The following GRHL2 variants were observed in gnomAD, a reference collection of about 807,000 sequenced individuals.
GRHL2 encodes grainyhead-like protein 2 homolog.
In GRHL2, 21 loss-of-function variants were observed where a neutral mutation model predicts 83.8. The observed-to-expected ratio is 0.25, with a 90% CI of 0.18 to 0.36. GRHL2 has a LOEUF of 0.36. Ranked by LOEUF, GRHL2 falls within the 10% of genes least tolerant of loss-of-function variation. The pLI, the probability that GRHL2 is intolerant of heterozygous loss-of-function variation, is 1.00. For synonymous variants in GRHL2, 280 were observed against 278.9 expected, an observed-to-expected ratio of 1.00 and a Z score of -0.04; for missense variants, 623 against 781.8, an observed-to-expected ratio of 0.80 and a Z score of 2.42.
intron 1 of GRHL2, 44 bp from the exon 2 acceptor site, chr8:101,543,197 T>A: frequency 6.8e-7 from 1 of 1,467,248 alleles, no homozygotes. Context: ...GTAAAAAATT[T>A]GCTCTCTCTG....
At chr8:101,523,477 GTT>G (rs11293156) in intron 1 of GRHL2, among the ~76,000 whole-genome samples, 243 of 145,544 alleles carry the variant, frequency 1.7e-3, no homozygotes, top group Middle Eastern at 0.01. Flanking sequence ...TCCACTGAAA[GTT>G]TTTTTTTTTT....
intron 14 of GRHL2, among the ~76,000 whole-genome samples, chr8:101,654,393 A>G (rs1813740538): frequency 6.6e-6 from 1 of 152,222 alleles, no homozygotes; most frequent in African/African-American, 2.4e-5. Flanking sequence ...ATCTTAGCTG[A>G]GCAGATGATG....
intron 1 of GRHL2, 52 bp from the exon 2 acceptor site, chr8:101,543,188 TA>T: frequency 7.5e-7 from 1 of 1,336,378 alleles, no homozygotes; most frequent in Non-Finnish European, 1.1e-6. Flanking sequence ...TTATTAGGGG[TA>T]AAAAATTTGC....
intron 8 of GRHL2, among the ~76,000 whole-genome samples, chr8:101,608,236 C>T (rs892195056): frequency 6.6e-6 from 1 of 152,254 alleles, no homozygotes; most frequent in Non-Finnish European, 1.5e-5. Context: ...TGAGGTTGCA[C>T]AGCTGGCGCC....
intron 4 of GRHL2, among the ~76,000 whole-genome samples, chr8:101,563,489 C>T (rs112070211): frequency 2.2e-3 from 336 of 152,232 alleles, no homozygotes; most frequent in Non-Finnish European, 3.6e-3. Flanking sequence ...CCCTGCCACT[C>T]CTGGCACCAG....
chr8:101,618,568 C>A (rs1014303407), intron 8 of GRHL2, among the ~76,000 whole-genome samples: 4 of 151,820 alleles, frequency 2.6e-5, no homozygotes, highest in Non-Finnish European at 5.9e-5. Context: ...AATTAAGTGA[C>A]TTGTGTAAGG....
rs1812747212 is a variant in GRHL2 at position 101,611,415 on chromosome 8, T to C, written c.1099-8124T>C. 2.7e-5 allele frequency among the ~76,000 whole-genome samples: 4 copies of C among 150,822 alleles called. No individual in the cohort carries two copies. In the South Asian group the frequency reaches 8.3e-4, roughly 31 times the overall value. On this transcript the variant is annotated intron_variant, in intron 8 of 15. Coordinates refer to ENST00000646743, the MANE Select transcript of GRHL2 (RefSeq NM_024915.4). ...CACAGCCACTCCTCTCTGGAGCCTC[T>C]TACATACCTCATCTCTTGTCATGTG...
chr8:101,617,057 AGCTAAAATC>A (rs1349053534), intron 8 of GRHL2, among the ~76,000 whole-genome samples: 2 of 152,210 alleles, frequency 1.3e-5, no homozygotes, highest in Non-Finnish European at 2.9e-5. Context: ...TGGTAAAAGC[AGCTAAAATC>A]TACTCATTTA....
rs150604918 is a variant in GRHL2, at chr8:101,602,720, C to A, written c.1098+3569C>A. ...GCTCTTTCTTTATTGCTTTCTCTAGCATTCTGCATTCTGGAACTTTCCCTA... is the reference window on the plus strand; with the variant it reads ...GCTCTTTCTTTATTGCTTTCTCTAGAATTCTGCATTCTGGAACTTTCCCTA... On this transcript the variant is annotated intron_variant, in intron 8 of 15. Coordinates refer to ENST00000646743, the MANE Select transcript of GRHL2 (RefSeq NM_024915.4). Among the ~76,000 whole-genome samples, 872 of 152,282 alleles carry A rather than the reference C, an allele frequency of 5.7e-3. 7 individuals carry two copies. Among genetic ancestry groups the A allele is most frequent in the African/African-American group, 0.02 (833 of 41,546 alleles).
intron 1 of GRHL2, among the ~76,000 whole-genome samples, chr8:101,526,935 CTTGT>C (rs1233492293): frequency 1.3e-5 from 2 of 152,054 alleles, no homozygotes; most frequent in African/African-American, 4.8e-5. Flanking sequence ...CACGTATTTG[CTTGT>C]TTGTTTGCTT....
At chr8:101,578,145 A>G (rs920656525) in intron 7 of GRHL2, among the ~76,000 whole-genome samples, 3 of 152,196 alleles carry the variant, frequency 2.0e-5, no homozygotes, top group Non-Finnish European at 2.9e-5. Flanking sequence ...CTCATGCCCA[A>G]TAATTCACTG....
intron 4 of GRHL2, among the ~76,000 whole-genome samples, chr8:101,568,167 C>A (rs1811752929): frequency 6.6e-6 from 1 of 152,176 alleles, no homozygotes; most frequent in Admixed American, 6.5e-5. Context: ...GGCTAGTTGA[C>A]TGAGGAATCA....
At chr8:101,623,146 C>T (rs1812998010) in intron 9 of GRHL2, among the ~76,000 whole-genome samples, 1 of 152,236 alleles carries the variant, frequency 6.6e-6, no homozygotes, top group African/African-American at 2.4e-5. Context: ...AAAGAAAACG[C>T]ATTAACAAGA....
At chr8:101,538,429 C>T (rs1008244309) in intron 1 of GRHL2, among the ~76,000 whole-genome samples, 49 of 151,534 alleles carry the variant, frequency 3.2e-4, no homozygotes, top group African/African-American at 9.5e-4. Context: ...TTAAAGAAAA[C>T]GAACAAGAAA....
chr8:101,602,143 A>T (rs1812529029), intron 8 of GRHL2, among the ~76,000 whole-genome samples: 1 of 152,228 alleles, frequency 6.6e-6, no homozygotes, highest in African/African-American at 2.4e-5. Context: ...AGTTAAATCT[A>T]CTTCATTAGA....
At chr8:101,515,382 A>G (rs1810552570) in intron 1 of GRHL2, among the ~76,000 whole-genome samples, 1 of 152,122 alleles carries the variant, frequency 6.6e-6, no homozygotes, top group Non-Finnish European at 1.5e-5. Flanking sequence ...ATTGTTGACA[A>G]GTTCAGGAAC....
intron 8 of GRHL2, among the ~76,000 whole-genome samples, chr8:101,614,040 A>G (rs1267210837): frequency 6.6e-6 from 1 of 151,068 alleles, no homozygotes; most frequent in Non-Finnish European, 1.5e-5. Flanking sequence ...TTTAATGGAA[A>G]GCTCTCAGAA....
chr8:101,677,350 T>C, the GRHL2 span, among the ~76,000 whole-genome samples: 2 of 151,942 alleles, frequency 1.3e-5, 1 homozygote, highest in African/African-American at 4.8e-5. Flanking sequence ...GTAAGCTACT[T>C]TGTAATTGTT....
chr8:101,644,188 G>T lies in GRHL2; in HGVS notation c.1575G>T (p.Val525=). ...CCATGGAAGAGGAGTTTGGTCCAGT[G>T]CCTTCAAAGCAGATGAAAGAAGAAG... ...FRPMEEEFGP[V]PSKQMKEEGT... The change falls in exon 13 of 16, where the codon GTG becomes GTT. Residue 525 remains valine (V), a synonymous_variant. Transcript: ENST00000646743. The T allele has an allele frequency of 6.2e-7, 1 of 1,614,134 alleles. No homozygotes were observed.
Sources: allele counts gnomAD v4.1 joint callset (sites outside exome capture counted in the v4.1 genomes callset), GRCh38; gene constraint gnomAD v4.1.1; transcripts MANE v1.5; gene names NCBI Gene and HGNC (gene_info 2026-07-23, HGNC 2026-07-21).